UROD: variants seen among roughly 807,000 people sequenced by gnomAD.
UROD encodes uroporphyrinogen III decarboxylase.
UROD carries 34 observed loss-of-function variants against 47.1 expected under a neutral mutation model. The ratio of observed to expected loss-of-function variants is 0.72; its 90% CI spans 0.55 to 0.96. UROD has a LOEUF of 0.96. Ranked by LOEUF, UROD falls within the 40% of genes least tolerant of loss-of-function variation. The pLI is 0.00. For missense variants in UROD, 381 were observed against 471.8 expected, an observed-to-expected ratio of 0.81 and a Z score of 1.78; for synonymous variants, 148 against 175.8, an observed-to-expected ratio of 0.84 and a Z score of 1.25.
Position 45,013,136 on chromosome 1 carries a change from A to T in UROD, c.134A>T (p.Glu45Val). 1 of 1,614,118 alleles carries T rather than the reference A, an allele frequency of 6.2e-7. No homozygotes were observed. Among genetic ancestry groups the T allele is most frequent in the South Asian group, 1.1e-5 (1 of 91,086 alleles). The change falls in exon 3 of 10, where the codon GAG becomes GTG. Residue 45 changes from glutamate to valine, a missense_variant and splice_region_variant. Glu to Val is a moderately radical substitution (Grantham distance 121). Coordinates refer to ENST00000246337, the MANE Select transcript of UROD (RefSeq NM_000374.5). This position sits in a 1 kb window ranked among gnomAD's most constrained non-coding sequence, Gnocchi z 4.2. ...AGCCCTGTCTTCCCTCTGTATGCAGAGTTTAGGGAAACCCGGGCTGCCCAG... is the reference window on the plus strand; with the variant it reads ...AGCCCTGTCTTCCCTCTGTATGCAGTGTTTAGGGAAACCCGGGCTGCCCAG... The part of the protein sequence containing the change: ...CMRQAGRYLP[E>V]FRETRAAQDF...
Position 45,015,386 on chromosome 1 carries a change from A to G in UROD, c.992A>G (p.His331Arg), listed in dbSNP as rs764676360. Reference sequence around the variant, plus strand: ...CAGATGCTGGATGACTTTGGACCACATCGCTACATTGCCAACCTGGGCCAT... The same window carrying G: ...CAGATGCTGGATGACTTTGGACCACGTCGCTACATTGCCAACCTGGGCCAT... ...VKQMLDDFGPHRYIANLGHGL... is the reference protein window; with the variant it reads ...VKQMLDDFGPRRYIANLGHGL... The change falls in exon 10 of 10, where the codon CAT becomes CGT. Residue 331 changes from histidine to arginine, a missense_variant. Physicochemically the swap from His to Arg is conservative, Grantham distance 29. Coordinates refer to ENST00000246337, the MANE Select transcript of UROD (RefSeq NM_000374.5). The G allele has an allele frequency of 2.9e-5, 47 of 1,614,116 alleles. No homozygotes were observed. Among genetic ancestry groups the G allele is most frequent in the Non-Finnish European group, 3.9e-5 (46 of 1,180,062 alleles).
chr1:45,014,914 G>A (rs1250181661), intron 8 of UROD, 26 bp from the exon 9 acceptor site: 1 of 1,614,084 alleles, frequency 6.2e-7, no homozygotes, highest in Non-Finnish European at 8.5e-7. Flanking sequence ...GCAGTTACCA[G>A]AACGTGGCGC....
rs1190291472 is a variant in UROD at position 45,014,994 on chromosome 1, G to A, written c.930G>A (p.Leu310=). Residue 310 remains leucine (L), a synonymous_variant, in exon 9 of 10, where the codon TTG becomes TTA. Coordinates refer to ENST00000246337, the MANE Select transcript of UROD (RefSeq NM_000374.5). ...TLQGNLDPCA[L]YASEEEIGQL... ...AGGGCAACCTGGACCCCTGTGCCTT[G>A]TATGCATCTGAGGTAACAGCCAGGG... The A allele has an allele frequency of 1.9e-6, 3 of 1,613,730 alleles. No homozygotes were observed. The East Asian group carries it at 6.7e-5, about 36-fold the overall frequency.
chr1:45,012,315 A>G (rs1428848227), intron 1 of UROD, 30 bp downstream of exon 1: 1 of 1,614,150 alleles, frequency 6.2e-7, no homozygotes. Context: ...CGGTGTGGCT[A>G]GCCGGGCTTC....
At position 45,013,191 on chromosome 1, in the gene UROD, G is replaced by C. The variant is rs1307849602; in HGVS notation, c.189G>C (p.Glu63Asp). 1.9e-6 allele frequency: 3 copies of C among 1,614,184 alleles called. No homozygotes were observed. Among genetic ancestry groups the C allele is most frequent in the Non-Finnish European group, 1.7e-6 (2 of 1,180,044 alleles). Reference protein sequence around the residue: ...QDFFSTCRSPEACCELTLQPL... With the variant: ...QDFFSTCRSPDACCELTLQPL... ...TTTTCAGCACGTGTCGCTCTCCTGA[G>C]GCCTGCTGTGAACTGACTCTGCAGG... Residue 63 changes from glutamate to aspartate, a missense_variant, in exon 3 of 10, where the codon GAG (glutamate) becomes GAC (aspartate). Coordinates refer to ENST00000246337, the MANE Select transcript of UROD (RefSeq NM_000374.5). The surrounding 1 kb of genome is among the most constrained non-coding windows in gnomAD (Gnocchi z 4.2).
Position 45,014,771 on chromosome 1 carries a change from G to A in UROD, c.810G>A (p.Glu270=), listed in dbSNP as rs1644835202. 1 of 1,614,154 alleles carries A rather than the reference G, an allele frequency of 6.2e-7. No homozygotes were observed. The highest frequency in any genetic ancestry group is 1.1e-5 in the South Asian group (1 of 91,088). The stretch of plus-strand genomic sequence containing the variant: ...CTAAGGATGGGCATTTTGCCCTGGA[G>A]GAGCTGGCCCAAGCTGGCTATGAGG... ...IFAKDGHFAL[E]ELAQAGYEVV... is the part of the protein sequence containing the mutation. The change falls in exon 8 of 10, where the codon GAG becomes GAA. Residue 270 remains glutamate, a synonymous_variant. Coordinates refer to ENST00000246337, the MANE Select transcript of UROD (RefSeq NM_000374.5).
At chr1:45,014,611 T>C (rs1644833468) in intron 7 of UROD, 35 bp downstream of exon 7, 3 of 1,614,034 alleles carry the variant, frequency 1.9e-6, no homozygotes, top group East Asian at 2.2e-5. Context: ...AAGGTGGTCC[T>C]GTGGAGCTTT....
At position 45,014,472 on chromosome 1, in the gene UROD, C is replaced by G. The variant is rs1644831959; in HGVS notation, c.670C>G (p.Leu224Val). 1 of 1,614,062 alleles carries G rather than the reference C, an allele frequency of 6.2e-7. No individual in the cohort carries two copies. Among genetic ancestry groups the G allele is most frequent in the Non-Finnish European group, 8.5e-7 (1 of 1,180,050 alleles). ...GCTGTTTGAGTCCCATGCAGGGCAT[C>G]TTGGCCCACAGCTCTTCAACAAGTT... Reference protein sequence around the residue: ...LQLFESHAGHLGPQLFNKFAL... With the variant: ...LQLFESHAGHVGPQLFNKFAL... Residue 224 changes from leucine (L) to valine (V), a missense_variant, in exon 7 of 10, where the codon CTT becomes GTT. Leu to Val is a conservative substitution (Grantham distance 32). Transcript: ENST00000246337.
Position 45,013,673 on chromosome 1 carries a change from A to G in UROD, c.356A>G (p.Glu119Gly), listed in dbSNP as rs937533612. Residue 119 changes from glutamate (E) to glycine (G), a missense_variant, in exon 5 of 10, where the codon GAA becomes GGA. Transcript: ENST00000246337. This position sits in a 1 kb window ranked among gnomAD's most constrained non-coding sequence, Gnocchi z 4.2. ...CCATTAAGAGAAGAGCAGGACCTAG[A>G]ACGCCTACGGGATCCAGAAGTGGTA... The part of the protein sequence containing the change: ...PEPLREEQDL[E>G]RLRDPEVVAS... 6.2e-7 allele frequency: 1 copy of G among 1,614,050 alleles called. No homozygotes were observed. The highest frequency in any genetic ancestry group is 8.5e-7 in the Non-Finnish European group (1 of 1,180,038).
At position 45,015,488 on chromosome 1, in the gene UROD, G is replaced by A; in HGVS notation, c.1094G>A (p.Arg365Gln). Residue 365 changes from arginine to glutamine, a missense_variant, in exon 10 of 10, where the codon CGA becomes CAA. Physicochemically the swap from Arg to Gln is conservative, Grantham distance 43. Coordinates refer to ENST00000246337, the MANE Select transcript of UROD (RefSeq NM_000374.5). ...DAVHKHSRLL[R>Q]QN ...GTGCATAAACACTCACGTCTGCTTC[G>A]ACAGAACTGAGTGTATACCTTTACC... is the stretch of plus-strand genomic sequence containing the variant. 6.2e-7 allele frequency: 1 copy of A among 1,614,172 alleles called. No individual in the cohort carries two copies. Among genetic ancestry groups the A allele is most frequent in the Non-Finnish European group, 8.5e-7 (1 of 1,180,040 alleles).
At position 45,013,281 on chromosome 1, in the gene UROD, G is replaced by A; in HGVS notation, c.214-11G>A. The A allele has an allele frequency of 6.2e-7, 1 of 1,614,142 alleles. No homozygotes were observed. The highest frequency in any genetic ancestry group is 8.5e-7 in the Non-Finnish European group (1 of 1,180,020). ...TCTGCCACCTAGCAACCTGTCTCCT[G>A]TTTCCTACAGCCACTGCGTCGCTTC... On this transcript the variant is annotated splice_polypyrimidine_tract_variant and intron_variant, in intron 3 of 9. Transcript: ENST00000246337. The surrounding 1 kb of genome is among the most constrained non-coding windows in gnomAD (Gnocchi z 4.2).
Position 45,013,798 on chromosome 1 carries a change from T to C in UROD, c.474+7T>C. 2 of 1,614,126 alleles carry C rather than the reference T, an allele frequency of 1.2e-6. No homozygotes were observed. The highest frequency in any genetic ancestry group is 1.7e-6 in the Non-Finnish European group (2 of 1,180,010). On this transcript the variant is annotated splice_region_variant and intron_variant, in intron 5 of 9. Transcript: ENST00000246337. The surrounding 1 kb of genome is among the most constrained non-coding windows in gnomAD (Gnocchi z 4.2). ...TGGCTTTGCTGGTGCCCCAGTAATG[T>C]GGGACAGGGCAGGGACTCGGGGCGC...
intron 1 of UROD, 90 bp downstream of exon 1, chr1:45,012,375 C>T: frequency 1.3e-6 from 2 of 1,581,924 alleles, no homozygotes; most frequent in Non-Finnish European, 1.7e-6. Context: ...CCCCTTTCCC[C>T]ACCCTGGAGA....
Position 45,014,462 on chromosome 1 carries a change from T to G in UROD, c.660T>G (p.His220Gln). 1 of 1,614,222 alleles carries G rather than the reference T, an allele frequency of 6.2e-7. No individual in the cohort carries two copies. Among genetic ancestry groups the G allele is most frequent in the Non-Finnish European group, 8.5e-7 (1 of 1,180,042 alleles). ...GAQALQLFES[H>Q]AGHLGPQLFN... ...AGGCATTGCAGCTGTTTGAGTCCCATGCAGGGCATCTTGGCCCACAGCTCT... is the reference window on the plus strand; with the variant it reads ...AGGCATTGCAGCTGTTTGAGTCCCAGGCAGGGCATCTTGGCCCACAGCTCT... Residue 220 changes from histidine (H) to glutamine (Q), a missense_variant, in exon 7 of 10, where the codon CAT (histidine) becomes CAG (glutamine). By Grantham distance (24) the His-to-Gln change is conservative. Coordinates refer to ENST00000246337, the MANE Select transcript of UROD (RefSeq NM_000374.5).
intron 1 of UROD, 71 bp downstream of exon 1, chr1:45,012,356 C>T (rs1015157773): frequency 1.7e-5 from 27 of 1,605,100 alleles, no homozygotes; most frequent in Non-Finnish European, 2.1e-5. Context: ...AGGACTCTAT[C>T]CCTCTACTCC....
At chr1:45,015,127 A>T in intron 9 of UROD, 121 bp downstream of exon 9, 1 of 1,521,266 alleles carries the variant, frequency 6.6e-7, no homozygotes, top group Admixed American at 1.9e-5. Flanking sequence ...TGTACAACAT[A>T]AGCCCTAGAA....
intron 7 of UROD, 46 bp from the exon 8 acceptor site, chr1:45,014,690 T>C: frequency 1.2e-6 from 2 of 1,613,554 alleles, no homozygotes; most frequent in Non-Finnish European, 1.7e-6. Flanking sequence ...GAAAGATTAG[T>C]GGTTGTAGCA....
intron 6 of UROD, 156 bp downstream of exon 6, chr1:45,014,226 C>CT: frequency 1.5e-6 from 2 of 1,300,964 alleles, no homozygotes; most frequent in South Asian, 1.2e-5. Flanking sequence ...CATCCTGACA[C>CT]TGACAGTGGG....
intron 9 of UROD, 133 bp downstream of exon 9, chr1:45,015,139 G>T: frequency 6.7e-7 from 1 of 1,500,992 alleles, no homozygotes; most frequent in Non-Finnish European, 9.1e-7. Flanking sequence ...GCCCTAGAAA[G>T]ACCGGACTTT....
Sources: allele counts gnomAD v4.1 joint callset, GRCh38; gene constraint gnomAD v4.1.1; non-coding constraint Gnocchi (gnomAD v3.1); transcripts MANE v1.5; gene names NCBI Gene and HGNC (gene_info 2026-07-23, HGNC 2026-07-21).